The following CCDC39 variants were observed in gnomAD, a reference collection of about 807,000 sequenced individuals.
The protein encoded by CCDC39 is coiled-coil domain 39 molecular ruler complex subunit.
Under a neutral mutation model 121.0 loss-of-function variants are expected in CCDC39, and 113 were observed. The observed-to-expected ratio is 0.93, with a 90% CI of 0.80 to 1.09. The LOEUF is 1.09. CCDC39 is among the 50% of genes least tolerant of loss of function. The pLI is 0.00. For missense variants in CCDC39, 1,063 were observed against 1,074.7 expected, an observed-to-expected ratio of 0.99 and a Z score of 0.15; for synonymous variants, 349 against 352.2, an observed-to-expected ratio of 0.99 and a Z score of 0.10.
intron 1 of CCDC39, among the ~76,000 whole-genome samples, chr3:180,667,311 G>GACAC (rs1206011657): frequency 2.1e-4 from 32 of 152,226 alleles, no homozygotes; most frequent in African/African-American, 7.5e-4. Flanking sequence ...GAATAATACA[G>GACAC]ACACACTCCA....
In CCDC39 at chr3:180,644,196, A is replaced by C. The variant is rs1718021230; in HGVS notation, c.1589T>G (p.Met530Arg). The C allele has an allele frequency of 6.5e-7, 1 of 1,545,642 alleles. No individual in the cohort carries two copies. Among genetic ancestry groups the C allele is most frequent in the Non-Finnish European group, 8.7e-7 (1 of 1,144,118 alleles). The stretch of plus-strand genomic sequence containing the variant: ...AAGGTTTAGTTCATTTATTTTGGTC[A>C]TAAGGGACTGTTTTTCATCACTGTT... ...SKNSDEKQSL[M>R]TKINELNLFI... Residue 530 changes from methionine (M) to arginine (R), a missense_variant, in exon 12 of 20, where the codon ATG (methionine) becomes AGG (arginine). Physicochemically the swap from Met to Arg is moderately conservative, Grantham distance 91 (BLOSUM62 -1). Coordinates refer to ENST00000476379, the MANE Select transcript of CCDC39 (RefSeq NM_181426.2).
Position 180,614,897 on chromosome 3 carries a change from CT to C in CCDC39, c.*23del. ...TATATTTTTGTTTTTGTGTTTACAA[CT>C]TTTTCAGAAGAGATTAAAATGTTTA... On this transcript the variant is annotated 3_prime_UTR_variant, in exon 20 of 20. Coordinates refer to ENST00000476379, the MANE Select transcript of CCDC39 (RefSeq NM_181426.2). The C allele has an allele frequency of 1.3e-6, 2 of 1,536,118 alleles. No individual in the cohort carries two copies. Among genetic ancestry groups the C allele is most frequent in the South Asian group, 1.2e-5 (1 of 80,256 alleles).
intron 13 of CCDC39, among the ~76,000 whole-genome samples, chr3:180,634,750 A>C (rs1717786227): frequency 6.6e-6 from 1 of 152,100 alleles, no homozygotes; most frequent in Admixed American, 6.6e-5. Flanking sequence ...CTACCTACTG[A>C]CCACTACACC....
intron 1 of CCDC39, 94 bp from the exon 2 acceptor site, chr3:180,664,080 T>A: frequency 8.5e-7 from 1 of 1,169,620 alleles, no homozygotes; most frequent in Non-Finnish European, 1.2e-6. Context: ...TTCATTTACA[T>A]TGTCTTAGTC....
rs752989242 is a variant in CCDC39, at chr3:180,647,141, T to G, written c.1465A>C (p.Lys489Gln). 6.2e-7 allele frequency: 1 copy of G among 1,611,826 alleles called. No individual in the cohort carries two copies. The highest frequency in any genetic ancestry group is 1.1e-5 in the South Asian group (1 of 90,348). ...ALEAKIVELRKSLEEKKSTCG... is the reference protein window; with the variant it reads ...ALEAKIVELRQSLEEKKSTCG... The stretch of plus-strand genomic sequence containing the variant: ...GTAGATTTTTTCTCTTCCAAAGACT[T>G]CCTAAGTTCAACAATTTTTGCTTCA... Residue 489 changes from lysine to glutamine, a missense_variant, in exon 11 of 20, where the codon AAG (lysine) becomes CAG (glutamine). By Grantham distance (53) the Lys-to-Gln change is moderately conservative. Coordinates refer to ENST00000476379, the MANE Select transcript of CCDC39 (RefSeq NM_181426.2).
At chr3:180,643,712 CTGAA>C (rs1392965338) in intron 12 of CCDC39, among the ~76,000 whole-genome samples, 1 of 152,078 alleles carries the variant, frequency 6.6e-6, no homozygotes, top group Non-Finnish European at 1.5e-5. Flanking sequence ...AAGGAACTAA[CTGAA>C]TAACTGCACA....
Position 180,644,103 on chromosome 3 carries a change from A to ATT in CCDC39, c.1665+16_1665+17insAA. Reference sequence around the variant, plus strand: ...ACATGGTTTTCAATACTACATATGCATACAATTTTACTGCACCTGCTTAAA... The same window carrying ATT: ...ACATGGTTTTCAATACTACATATGCATTTACAATTTTACTGCACCTGCTTAAA... On this transcript the variant is annotated intron_variant, in intron 12 of 19. Coordinates refer to ENST00000476379, the MANE Select transcript of CCDC39 (RefSeq NM_181426.2). 2 of 1,524,736 alleles carry ATT rather than the reference A, an allele frequency of 1.3e-6. No homozygotes were observed. The highest frequency in any genetic ancestry group is 1.8e-6 in the Non-Finnish European group (2 of 1,134,508). 94.5% of individuals were successfully genotyped at this position (1,524,736 alleles called of 1,614,324 possible). A position where few individuals can be genotyped will look rare whatever the true frequency, so the allele number is the denominator to read the frequency against.
intron 13 of CCDC39, among the ~76,000 whole-genome samples, chr3:180,638,258 A>G (rs1717877172): frequency 6.6e-6 from 1 of 152,148 alleles, no homozygotes; most frequent in Non-Finnish European, 1.5e-5. Flanking sequence ...AATTTCATTA[A>G]TCTGTAATCA....
chr3:180,668,167 C>T (rs766757873), intron 1 of CCDC39, among the ~76,000 whole-genome samples: 8 of 152,018 alleles, frequency 5.3e-5, no homozygotes, highest in African/African-American at 1.9e-4. Context: ...CACTTGAGAC[C>T]GGGAGTTCAA....
rs936941378 is a variant in CCDC39 at position 180,673,684 on chromosome 3, A to T, written c.90+5607T>A. 1.4e-4 allele frequency among the ~76,000 whole-genome samples: 21 copies of T among 152,256 alleles called. 1 individual carries two copies. Among genetic ancestry groups the T allele is most frequent in the Middle Eastern group, 3.4e-3 (1 of 294 alleles). The stretch of plus-strand genomic sequence containing the variant: ...AAGGTAAGCCTACACAAGAAAAACG[A>T]AGGTATGTGATCTAGGAAATACAGC... On this transcript the variant is annotated intron_variant, in intron 1 of 19. Transcript: ENST00000476379.
chr3:180,670,701 G>T (rs998842726), intron 1 of CCDC39, among the ~76,000 whole-genome samples: 7 of 135,738 alleles, frequency 5.2e-5, no homozygotes, highest in African/African-American at 1.7e-4. Flanking sequence ...TAAATCAAAA[G>T]TGCTACTCCC....
intron 1 of CCDC39, among the ~76,000 whole-genome samples, chr3:180,668,495 T>G (rs1366095924): frequency 1.3e-5 from 2 of 152,170 alleles, no homozygotes; most frequent in Non-Finnish European, 2.9e-5. Flanking sequence ...ATATTATTAT[T>G]CAGGGCCTCA....
At chr3:180,671,823 G>A in intron 1 of CCDC39, among the ~76,000 whole-genome samples, 1 of 152,166 alleles carries the variant, frequency 6.6e-6, no homozygotes, top group East Asian at 1.9e-4. Flanking sequence ...AAAACTAGCA[G>A]AGCTGGGTTC....
At chr3:180,674,186 T>G (rs191250377) in intron 1 of CCDC39, among the ~76,000 whole-genome samples, 2 of 152,264 alleles carry the variant, frequency 1.3e-5, no homozygotes, top group East Asian at 1.9e-4. Flanking sequence ...CTTGAAGAGG[T>G]CTTTCACATC....
intron 9 of CCDC39, among the ~76,000 whole-genome samples, chr3:180,650,398 A>T (rs1011883410): frequency 6.6e-6 from 1 of 152,226 alleles, no homozygotes; most frequent in African/African-American, 2.4e-5. Flanking sequence ...TGGGAATTTG[A>T]TTACAAAAAA....
chr3:180,668,761 G>A (rs1172925148), intron 1 of CCDC39, among the ~76,000 whole-genome samples: 7 of 152,182 alleles, frequency 4.6e-5, no homozygotes, highest in Middle Eastern at 6.8e-3. Flanking sequence ...ATAGCAAGAA[G>A]CATATGCATT....
At chr3:180,625,343 T>C (rs1717532618) in intron 14 of CCDC39, among the ~76,000 whole-genome samples, 1 of 151,748 alleles carries the variant, frequency 6.6e-6, no homozygotes, top group South Asian at 2.1e-4. Context: ...GTGTAGTCTA[T>C]TTTTCTTTTT....
At chr3:180,616,189 T>TG in intron 19 of CCDC39, 92 bp downstream of exon 19, 1 of 1,036,924 alleles carries the variant, frequency 9.6e-7, no homozygotes, top group East Asian at 2.5e-5. Flanking sequence ...TGCATGGGCC[T>TG]GCCTAACAGC....
chr3:180,619,405 C>T (rs1478483319), intron 15 of CCDC39, 40 bp from the exon 16 acceptor site: 2 of 966,962 alleles, frequency 2.1e-6, no homozygotes, highest in African/African-American at 3.4e-5. Context: ...TTTCAACATA[C>T]TAAGTAGAAA....
Sources: allele counts gnomAD v4.1 joint callset (sites outside exome capture counted in the v4.1 genomes callset), GRCh38; gene constraint gnomAD v4.1.1; transcripts MANE v1.5; gene names NCBI Gene and HGNC (gene_info 2026-07-23, HGNC 2026-07-21).